Variants in PWP1 observed in about 807,000 individuals in gnomAD.
The protein encoded by PWP1 is PWP1 homolog, endonuclein, also known as periodic tryptophan protein 1 homolog.
PWP1 carries 47 observed loss-of-function variants against 69.9 expected under a neutral mutation model. The ratio of observed to expected loss-of-function variants is 0.67; its 90% CI spans 0.53 to 0.86. The LOEUF is 0.86. PWP1 is among the 40% of genes least tolerant of loss of function. The pLI, the probability that PWP1 is intolerant of heterozygous loss-of-function variation, is 0.00. For synonymous variants in PWP1, 222 were observed against 208.2 expected (o/e 1.07, Z -0.57); for missense variants, 551 against 608.8 (o/e 0.91, Z 1.00).
chr12:107,712,265 A>G lies in PWP1; in HGVS notation c.*45A>G, dbSNP rs2136292686. The G allele has an allele frequency of 2.6e-6, 4 of 1,512,238 alleles. No homozygotes were observed. The highest frequency in any genetic ancestry group is 3.7e-6 in the Non-Finnish European group (4 of 1,089,672). The allele number at this position is 1,512,238 out of a possible 1,614,324, so 93.7% of individuals were successfully genotyped here. On this transcript the variant is annotated 3_prime_UTR_variant, in exon 15 of 15. Transcript: ENST00000412830. ...TGCTTACCTTAACTGGGAATTTTAA[A>G]AAGTTGGCCTAAAAATGTTCCATGC...
Position 107,709,362 on chromosome 12 carries a change from AT to A in PWP1, c.1290+134del, listed in dbSNP as rs1889896804. ...AAATATGGATGTGTTGGGGAAGTGAATTTTGAGTTTAGTCAAATTTGGTGGG... is the reference window on the plus strand; with the variant it reads ...AAATATGGATGTGTTGGGGAAGTGAATTTGAGTTTAGTCAAATTTGGTGGG... On this transcript the variant is annotated intron_variant, in intron 13 of 14. Transcript: ENST00000412830. 16 of 1,226,486 alleles carry A rather than the reference AT, an allele frequency of 1.3e-5. No individual in the cohort carries two copies. In the East Asian group the frequency reaches 3.8e-4, roughly 29 times the overall value. 76.0% of individuals were successfully genotyped at this position (1,226,486 alleles called of 1,614,324 possible).
In PWP1 at chr12:107,709,249, G is replaced by T. The variant is rs775940957; in HGVS notation, c.1290+17G>T. ...ATGAAAATGGTAAGAATCTCCCTGG[G>T]TATCTGTTTTTTATTTATTCTGTTT... On this transcript the variant is annotated intron_variant, in intron 13 of 14. Coordinates refer to ENST00000412830, the MANE Select transcript of PWP1 (RefSeq NM_007062.3). 4 of 1,609,172 alleles carry T rather than the reference G, an allele frequency of 2.5e-6. No homozygotes were observed. The African/African-American group carries it at 5.4e-5, about 22-fold the overall frequency.
intron 8 of PWP1, among the ~76,000 whole-genome samples, chr12:107,700,709 T>C (rs529224876): frequency 4.6e-5 from 7 of 152,298 alleles, no homozygotes; most frequent in African/African-American, 1.4e-4. Flanking sequence ...CTGAATCTTA[T>C]GGTAATTCTA....
chr12:107,712,114 A>G lies in PWP1; in HGVS notation c.1400A>G (p.Asn467Ser). 1 of 1,612,956 alleles carries G rather than the reference A, an allele frequency of 6.2e-7. No homozygotes were observed. Among genetic ancestry groups the G allele is most frequent in the African/African-American group, 1.3e-5 (1 of 75,012 alleles). Residue 467 changes from asparagine to serine, a missense_variant, in exon 15 of 15, where the codon AAT (asparagine) becomes AGT (serine). Physicochemically the swap from Asn to Ser is conservative, Grantham distance 46 (BLOSUM62 1). Transcript: ENST00000412830. ...TACCTGTTTATTTGTATTTTAGTAA[A>G]TGAAGCATTTGGAAGACGAGAGAGG... is the stretch of plus-strand genomic sequence containing the variant. The part of the protein sequence containing the change: ...VWDISTVSSV[N>S]EAFGRRERLV...
intron 13 of PWP1, among the ~76,000 whole-genome samples, chr12:107,709,834 A>G (rs1889908933): frequency 6.6e-6 from 1 of 152,036 alleles, no homozygotes. Flanking sequence ...TACAGAAGCA[A>G]TTTTTGTAGT....
At chr12:107,700,503 C>T (rs1483939758) in intron 8 of PWP1, among the ~76,000 whole-genome samples, 1 of 152,192 alleles carries the variant, frequency 6.6e-6, no homozygotes, top group Non-Finnish European at 1.5e-5. Context: ...CAATAAGTGT[C>T]AGAGTTTCTT....
intron 7 of PWP1, 175 bp downstream of exon 7, chr12:107,697,772 T>C (rs571444135): frequency 5.1e-5 from 35 of 684,120 alleles, no homozygotes; most frequent in South Asian, 4.9e-4. Context: ...AGAAAACTTA[T>C]TTCTGATTAC....
intron 3 of PWP1, 30 bp downstream of exon 3, chr12:107,688,832 A>AT: frequency 6.3e-7 from 1 of 1,590,546 alleles, no homozygotes; most frequent in African/African-American, 1.3e-5. Context: ...ATGGTTTGTA[A>AT]TTACAAGCTC....
chr12:107,710,535 A>G, intron 14 of PWP1, 25 bp downstream of exon 14: 8 of 1,389,754 alleles, frequency 5.8e-6, no homozygotes, highest in Non-Finnish European at 7.7e-6. Context: ...TTCTCTGCAC[A>G]CCTCCCCCTG....
intron 4 of PWP1, 43 bp downstream of exon 4, chr12:107,692,942 C>G (rs768186695): frequency 6.2e-7 from 1 of 1,612,356 alleles, no homozygotes; most frequent in South Asian, 1.1e-5. Context: ...CTTAAGTGTT[C>G]AAAAAACCTT....
intron 8 of PWP1, among the ~76,000 whole-genome samples, chr12:107,700,377 A>G (rs953505789): frequency 8.6e-5 from 13 of 150,862 alleles, no homozygotes; most frequent in African/African-American, 2.7e-4. Context: ...GGCAACCACC[A>G]CTCCACTTTC....
At chr12:107,697,921 T>A (rs1189240756) in intron 7 of PWP1, 2 of 394,248 alleles carry the variant, frequency 5.1e-6, no homozygotes, top group African/African-American at 4.2e-5. Context: ...TATACAGATA[T>A]ACCAACCTTG....
Position 107,693,037 on chromosome 12 carries a change from G to A in PWP1, c.443G>A (p.Ser148Asn). The change falls in exon 5 of 15, where the codon AGT becomes AAT. Residue 148 changes from serine (S) to asparagine (N), a missense_variant. Physicochemically the swap from Ser to Asn is conservative, Grantham distance 46. Transcript: ENST00000412830. The stretch of plus-strand genomic sequence containing the variant: ...CGTGAAGATTTCTTGATTAAGCCCA[G>A]TGATAATCTTATAGTTTGTGGCCGA... The part of the protein sequence containing the change: ...YEREDFLIKP[S>N]DNLIVCGRAE... 6.2e-7 allele frequency: 1 copy of A among 1,614,132 alleles called. No individual in the cohort carries two copies. Among genetic ancestry groups the A allele is most frequent in the Non-Finnish European group, 8.5e-7 (1 of 1,180,018 alleles).
chr12:107,688,106 G>GGGAAGA (rs1889408335), intron 1 of PWP1, among the ~76,000 whole-genome samples: 1 of 149,378 alleles, frequency 6.7e-6, no homozygotes, highest in African/African-American at 2.5e-5. Flanking sequence ...AATGCCCACA[G>GGGAAGA]GGAAGAGAGG....
At chr12:107,696,244 G>A (rs188923743) in intron 5 of PWP1, among the ~76,000 whole-genome samples, 1 of 152,084 alleles carries the variant, frequency 6.6e-6, no homozygotes, top group East Asian at 1.9e-4. Context: ...TGTTGGCCAG[G>A]CTGGTCTCGA....
intron 8 of PWP1, among the ~76,000 whole-genome samples, chr12:107,701,048 G>C (rs1025025348): frequency 6.6e-6 from 1 of 152,148 alleles, no homozygotes; most frequent in African/African-American, 2.4e-5. Flanking sequence ...ATTTCTTAAC[G>C]ATTAGTGATG....
chr12:107,686,969 CAAAAAAAAAAAAAAAAAAAAA>C (rs61728433), intron 1 of PWP1, among the ~76,000 whole-genome samples: 4 of 106,860 alleles, frequency 3.7e-5, no homozygotes, highest in Non-Finnish European at 1.9e-5. Context: ...GACTCCGTCT[CAAAAAAAAAAAAAAAAAAAAA>C]AAAAAAAAAA....
At chr12:107,692,298 T>C (rs187406045) in intron 3 of PWP1, among the ~76,000 whole-genome samples, 11 of 152,386 alleles carry the variant, frequency 7.2e-5, no homozygotes, top group African/African-American at 2.6e-4. Context: ...AAAAGCATAC[T>C]GCATTTCTTT....
intron 8 of PWP1, among the ~76,000 whole-genome samples, chr12:107,701,537 G>A (rs1223177294): frequency 1.3e-5 from 2 of 152,076 alleles, no homozygotes; most frequent in East Asian, 1.9e-4. Flanking sequence ...AGGTTTACAT[G>A]TATGTTTTCT....
Sources: allele counts gnomAD v4.1 joint callset (sites outside exome capture counted in the v4.1 genomes callset), GRCh38; gene constraint gnomAD v4.1.1; transcripts MANE v1.5; gene names NCBI Gene and HGNC (gene_info 2026-07-23, HGNC 2026-07-21).